Variants in CEP290 observed in about 807,000 individuals in gnomAD.
CEP290 encodes centrosomal protein of 290 kDa.
Under a neutral mutation model 344.9 loss-of-function variants are expected in CEP290, and 317 were observed. The ratio of observed to expected loss-of-function variants is 0.92; its 90% CI spans 0.84 to 1.01. CEP290 has a LOEUF of 1.01. CEP290 is among the 50% of genes least tolerant of loss of function. The probability of loss-of-function intolerance (pLI) is 0.00; values close to 1 mark genes in which losing one functional copy is unlikely to be tolerated. For missense variants in CEP290, 2,754 were observed against 2,761.4 expected (o/e 1.00, Z 0.06); for synonymous variants, 932 against 895.8 (o/e 1.04, Z -0.72).
rs1458804284 is a variant in CEP290 at position 88,090,732 on chromosome 12, T to G, written c.3569A>C (p.Tyr1190Ser). 1.3e-6 allele frequency: 2 copies of G among 1,536,116 alleles called. No individual in the cohort carries two copies. Among genetic ancestry groups the G allele is most frequent in the Admixed American group, 3.9e-5 (2 of 51,128 alleles). The change falls in exon 30 of 54, where the codon TAT becomes TCT. Residue 1190 changes from tyrosine (Y) to serine (S), a missense_variant. Physicochemically the swap from Tyr to Ser is moderately radical, Grantham distance 144. Transcript: ENST00000552810. ...VESLRMQLLD[Y>S]QAQSDEKSLI... ...AAGAGCCAATACTGCACATACCTGA[T>G]AGTCTAGCAGTTGCATTCTGAGGGA...
chr12:88,091,862 G>A (rs968722261), intron 29 of CEP290, among the ~76,000 whole-genome samples: 2 of 152,050 alleles, frequency 1.3e-5, no homozygotes, highest in African/African-American at 2.4e-5. Flanking sequence ...AATTACAAAA[G>A]AGAATGAAAA....
intron 26 of CEP290, among the ~76,000 whole-genome samples, chr12:88,098,935 CA>C (rs977858554): frequency 6.6e-6 from 1 of 152,130 alleles, no homozygotes; most frequent in Admixed American, 6.5e-5. Context: ...GAGAGACCAT[CA>C]GGGGCCACAC....
At position 88,072,098 on chromosome 12, in the gene CEP290, C is replaced by A. The variant is rs551104781; in HGVS notation, c.5710-172G>T. On this transcript the variant is annotated intron_variant, in intron 41 of 53. Transcript: ENST00000552810. Reference sequence around the variant, plus strand: ...AGTATCCCTTACGAAACGCTTGGAACCAGCCGTGTTTTAGAATTTGGATTT... The same window carrying A: ...AGTATCCCTTACGAAACGCTTGGAAACAGCCGTGTTTTAGAATTTGGATTT... Among the ~76,000 whole-genome samples the A allele has an allele frequency of 3.1e-4, 47 of 152,156 alleles. No individual in the cohort carries two copies. In the South Asian group the frequency reaches 9.7e-3, roughly 32 times the overall value.
chr12:88,112,573 T>C (rs1014567528), intron 20 of CEP290, among the ~76,000 whole-genome samples: 5 of 152,010 alleles, frequency 3.3e-5, no homozygotes, highest in South Asian at 2.1e-4. Flanking sequence ...AATGCACACA[T>C]CTAATAAATA....
chr12:88,071,147 G>T, intron 43 of CEP290, 147 bp downstream of exon 43: 1 of 671,430 alleles, frequency 1.5e-6, no homozygotes, highest in Non-Finnish European at 2.6e-6. Flanking sequence ...AAATTATGTG[G>T]CATATGAAGA....
At chr12:88,098,054 C>A (rs2037571056) in intron 26 of CEP290, among the ~76,000 whole-genome samples, 1 of 152,042 alleles carries the variant, frequency 6.6e-6, no homozygotes, top group Admixed American at 6.5e-5. Flanking sequence ...CACCTGTAAT[C>A]CCAGCACTTT....
At chr12:88,078,657 G>A (rs2035962834) in intron 39 of CEP290, among the ~76,000 whole-genome samples, 1 of 151,894 alleles carries the variant, frequency 6.6e-6, no homozygotes, top group Admixed American at 6.6e-5. Flanking sequence ...CTAAAATAGA[G>A]GTAAACTTGG....
In CEP290 at chr12:88,090,784, G is replaced by T. The variant is rs776053422; in HGVS notation, c.3517C>A (p.Gln1173Lys). Residue 1173 changes from glutamine (Q) to lysine (K), a missense_variant, in exon 30 of 54, where the codon CAA becomes AAA. Coordinates refer to ENST00000552810, the MANE Select transcript of CEP290 (RefSeq NM_025114.4). ...RRQVEILNAQQQSRDKEVESL... is the reference protein window; with the variant it reads ...RRQVEILNAQKQSRDKEVESL... ...TCTACTTCCTTGTCCCTAGATTGTT[G>T]TTGTGCATTCAAAATTTCAACTTGT... The T allele has an allele frequency of 4.2e-5, 66 of 1,562,836 alleles. No homozygotes were observed. The highest frequency in any genetic ancestry group is 2.3e-4 in the Admixed American group (12 of 52,164).
At chr12:88,093,472 A>G in intron 28 of CEP290, 1 of 285,586 alleles carries the variant, frequency 3.5e-6, no homozygotes, top group South Asian at 4.8e-5. Context: ...GTAATAGGCA[A>G]TGAATAAATA....
intron 11 of CEP290, among the ~76,000 whole-genome samples, chr12:88,127,591 C>T (rs1183671030): frequency 2.6e-5 from 4 of 152,080 alleles, no homozygotes; most frequent in Non-Finnish European, 5.9e-5. Context: ...TGTCAAAAGT[C>T]ATTAAAAAAT....
At chr12:88,141,635 A>C (rs992740905) in intron 1 of CEP290, among the ~76,000 whole-genome samples, 6 of 151,844 alleles carry the variant, frequency 4.0e-5, no homozygotes, top group Non-Finnish European at 8.8e-5. Context: ...GCGCGCGAAC[A>C]CCCTAATCCT....
intron 26 of CEP290, among the ~76,000 whole-genome samples, chr12:88,099,705 T>A (rs2037727097): frequency 6.6e-6 from 1 of 152,146 alleles, no homozygotes; most frequent in Non-Finnish European, 1.5e-5. Flanking sequence ...ATATATTTTT[T>A]AAGTAAAGTA....
At position 88,106,724 on chromosome 12, in the gene CEP290, G is replaced by A. The variant is rs1216567271; in HGVS notation, c.2768C>T (p.Ser923Leu). Residue 923 changes from serine (S) to leucine (L), a missense_variant, in exon 25 of 54, where the codon TCA (serine) becomes TTA (leucine). Coordinates refer to ENST00000552810, the MANE Select transcript of CEP290 (RefSeq NM_025114.4). ...ENEKQKNELL[S>L]MEAEVCEKIG... ...TTTTTCACAAACTTCAGCCTCCATT[G>A]ACAACAATTCATTCTTTTGCTTCTC... 1.2e-6 allele frequency: 2 copies of A among 1,611,620 alleles called. No individual in the cohort carries two copies. The highest frequency in any genetic ancestry group is 2.2e-5 in the East Asian group (1 of 44,712).
intron 34 of CEP290, among the ~76,000 whole-genome samples, chr12:88,085,824 G>A (rs970013130): frequency 7.9e-5 from 12 of 151,996 alleles, no homozygotes; most frequent in Non-Finnish European, 1.3e-4. Context: ...TCAGTGTACC[G>A]AAAGGTACCA....
intron 41 of CEP290, 58 bp downstream of exon 41, chr12:88,077,164 T>C: frequency 6.6e-7 from 1 of 1,509,204 alleles, no homozygotes; most frequent in Non-Finnish European, 9.0e-7. Flanking sequence ...ATCAGCTATG[T>C]ATTTAACTTA....
intron 52 of CEP290, among the ~76,000 whole-genome samples, chr12:88,050,985 T>G (rs550564214): frequency 4.6e-5 from 7 of 152,264 alleles, no homozygotes; most frequent in East Asian, 1.9e-4. Flanking sequence ...AAGTTCTAAT[T>G]TATTGGATTC....
rs1483943072 is a variant in CEP290 at position 88,120,195 on chromosome 12, T to C, written c.1441A>G (p.Ile481Val). Residue 481 changes from isoleucine (I) to valine (V), a missense_variant, in exon 15 of 54, where the codon ATA (isoleucine) becomes GTA (valine). Coordinates refer to ENST00000552810, the MANE Select transcript of CEP290 (RefSeq NM_025114.4). ...AGTTTATTGATTTCCTTTGTTAATA[T>C]TTCAATCTCTCGATCTCTTATTTTA... ...QIKIRDREIEILTKEINKLEL... is the reference protein window; with the variant it reads ...QIKIRDREIEVLTKEINKLEL... The C allele has an allele frequency of 1.3e-6, 2 of 1,520,208 alleles. No homozygotes were observed. Among genetic ancestry groups the C allele is most frequent in the South Asian group, 1.3e-5 (1 of 76,802 alleles). The allele number at this position is 1,520,208 out of a possible 1,614,324, so 94.2% of individuals were successfully genotyped here. A position where few individuals can be genotyped will look rare whatever the true frequency, so the allele number is the denominator to read the frequency against.
chr12:88,088,471 T>A (rs958401409), intron 31 of CEP290, among the ~76,000 whole-genome samples: 7 of 152,232 alleles, frequency 4.6e-5, no homozygotes, highest in African/African-American at 1.4e-4. Context: ...TTAATATAAA[T>A]TTTCCTATAG....
At chr12:88,139,039 A>T in intron 5 of CEP290, 106 bp downstream of exon 5, 1 of 638,966 alleles carries the variant, frequency 1.6e-6, no homozygotes, top group Admixed American at 2.8e-5. Context: ...AACCATGATT[A>T]CAATCATCCT....
Sources: allele counts gnomAD v4.1 joint callset (sites outside exome capture counted in the v4.1 genomes callset), GRCh38; gene constraint gnomAD v4.1.1; transcripts MANE v1.5; gene names NCBI Gene and HGNC (gene_info 2026-07-23, HGNC 2026-07-21).